TOX: variants seen among roughly 807,000 people sequenced by gnomAD.
TOX encodes thymocyte selection-associated high mobility group box protein TOX.
Under a neutral mutation model 53.7 loss-of-function variants are expected in TOX, and 11 were observed. The ratio of observed to expected loss-of-function variants is 0.20; its 90% CI spans 0.13 to 0.34. The LOEUF (loss-of-function observed/expected upper bound fraction) is 0.34, where lower values mean the gene tolerates loss of function less well. Among genes scored for constraint, TOX ranks in the 10% least tolerant of loss-of-function variants. The probability of loss-of-function intolerance (pLI) is 1.00; values close to 1 mark genes in which losing one functional copy is unlikely to be tolerated. For synonymous variants in TOX, 225 were observed against 245.3 expected, an observed-to-expected ratio of 0.92 and a Z score of 0.77; for missense variants, 570 against 664.6, an observed-to-expected ratio of 0.86 and a Z score of 1.56.
intron 1 of TOX, among the ~76,000 whole-genome samples, chr8:59,065,676 T>C (rs1585997830): frequency 6.6e-6 from 1 of 152,152 alleles, no homozygotes; most frequent in East Asian, 1.9e-4. Flanking sequence ...TGCACAGCTC[T>C]GTCACAGAGC....
intron 3 of TOX, among the ~76,000 whole-genome samples, chr8:58,876,139 A>C (rs1811279432): frequency 6.6e-6 from 1 of 152,148 alleles, no homozygotes; most frequent in African/African-American, 2.4e-5. Context: ...CACAAAATAC[A>C]TGTTAGTGTA....
intron 1 of TOX, among the ~76,000 whole-genome samples, chr8:59,054,680 C>A (rs1028109602): frequency 8.6e-5 from 13 of 151,788 alleles, no homozygotes; most frequent in African/African-American, 2.9e-4. Flanking sequence ...AGTTTCCTCG[C>A]CACAAACCAA....
At chr8:58,968,500 C>A (rs1044740159) in intron 1 of TOX, among the ~76,000 whole-genome samples, 4 of 152,074 alleles carry the variant, frequency 2.6e-5, no homozygotes, top group East Asian at 3.9e-4. Context: ...AATCCATCTA[C>A]GAAGGAAAAA....
At chr8:58,941,503 T>C (rs1812439394) in intron 2 of TOX, among the ~76,000 whole-genome samples, 1 of 152,236 alleles carries the variant, frequency 6.6e-6, no homozygotes, top group South Asian at 2.1e-4. Context: ...CTATGCTATT[T>C]ATAAAGTAGT....
chr8:58,900,649 A>G (rs1455345044), intron 3 of TOX, among the ~76,000 whole-genome samples: 1 of 152,124 alleles, frequency 6.6e-6, no homozygotes, highest in Non-Finnish European at 1.5e-5. Flanking sequence ...CCATCTATTC[A>G]TGTCATGTGA....
intron 3 of TOX, among the ~76,000 whole-genome samples, chr8:58,881,053 C>T (rs1001141304): frequency 1.3e-5 from 2 of 151,902 alleles, no homozygotes; most frequent in Admixed American, 1.3e-4. Flanking sequence ...GGGGCCTCCC[C>T]TGTGTGGGAG....
chr8:58,883,514 T>C (rs1811418718), intron 3 of TOX, among the ~76,000 whole-genome samples: 5 of 152,206 alleles, frequency 3.3e-5, no homozygotes, highest in Admixed American at 1.3e-4. Flanking sequence ...TTACTTCTGT[T>C]CTTAAAATCA....
intron 7 of TOX, among the ~76,000 whole-genome samples, chr8:58,811,745 T>A (rs975247095): frequency 6.6e-6 from 1 of 152,194 alleles, no homozygotes; most frequent in African/African-American, 2.4e-5. Flanking sequence ...TTGACAGATA[T>A]TAATGATTTT....
intron 6 of TOX, among the ~76,000 whole-genome samples, chr8:58,816,383 TTA>T (rs1280163915): frequency 6.6e-6 from 1 of 152,222 alleles, no homozygotes; most frequent in African/African-American, 2.4e-5. Flanking sequence ...CTTAGAAATT[TTA>T]GACTCCATCA....
chr8:58,958,490 G>T (rs982279126), intron 2 of TOX, among the ~76,000 whole-genome samples: 6 of 152,126 alleles, frequency 3.9e-5, no homozygotes, highest in African/African-American at 1.4e-4. Flanking sequence ...ATGATACCAG[G>T]TTGCTTTAAT....
At chr8:59,023,516 G>T (rs1456427013) in intron 1 of TOX, among the ~76,000 whole-genome samples, 1 of 152,050 alleles carries the variant, frequency 6.6e-6, no homozygotes, top group Non-Finnish European at 1.5e-5. Context: ...CATCATAGGA[G>T]ACTCAGTCTA....
At chr8:58,827,300 A>C (rs756575656) in intron 5 of TOX, among the ~76,000 whole-genome samples, 13 of 152,186 alleles carry the variant, frequency 8.5e-5, no homozygotes, top group Non-Finnish European at 1.3e-4. Context: ...CCTGATATAT[A>C]TGTTCCACGC....
In TOX at chr8:58,939,402, C is replaced by T. The variant is rs1236627019; in HGVS notation, c.311G>A (p.Gly104Asp). The part of the protein sequence containing the change: ...HSLCHPMNHN[G>D]LLPFHPQNMD... ...GTTTTGTGGATGAAATGGTAGCAGGCCATTATGGTTCATGGGGTGACACAG... is the reference window on the plus strand; with the variant it reads ...GTTTTGTGGATGAAATGGTAGCAGGTCATTATGGTTCATGGGGTGACACAG... The change falls in exon 3 of 9, where the codon GGC (glycine) becomes GAC (aspartate). Residue 104 changes from glycine (G) to aspartate (D), a missense_variant. Gly to Asp is a moderately conservative substitution (Grantham distance 94). Coordinates refer to ENST00000361421, the MANE Select transcript of TOX (RefSeq NM_014729.3). 2.5e-6 allele frequency: 4 copies of T among 1,613,918 alleles called. No homozygotes were observed. The highest frequency in any genetic ancestry group is 1.7e-5 in the Admixed American group (1 of 59,986).
intron 1 of TOX, among the ~76,000 whole-genome samples, chr8:58,979,526 T>C (rs1398061881): frequency 1.3e-5 from 2 of 152,218 alleles, no homozygotes; most frequent in Non-Finnish European, 1.5e-5. Flanking sequence ...TTCTGTTCTG[T>C]ATAAAATTAT....
At chr8:58,926,861 A>T (rs1812170108) in intron 3 of TOX, among the ~76,000 whole-genome samples, 1 of 130,918 alleles carries the variant, frequency 7.6e-6, no homozygotes, top group Admixed American at 8.0e-5. Context: ...TTCCTTGCAG[A>T]AGACTGGTAT....
In TOX at chr8:59,118,024, C is replaced by T. The variant is rs1805136885; in HGVS notation, c.102+862G>A. Among the ~76,000 whole-genome samples the T allele has an allele frequency of 6.6e-6, 1 of 152,160 alleles. No individual in the cohort carries two copies. The highest frequency in any genetic ancestry group is 2.4e-5 in the African/African-American group (1 of 41,438). On this transcript the variant is annotated intron_variant, in intron 1 of 8. Coordinates refer to ENST00000361421, the MANE Select transcript of TOX (RefSeq NM_014729.3). The surrounding 1 kb of genome is among the most constrained non-coding windows in gnomAD (Gnocchi z 4.1). ...ACCCCCTGACTGTCCTATAGGTGGA[C>T]CCAGCCGAACTCCGCAGCAGCCCAG...
In TOX at chr8:59,118,672, G is replaced by C. The variant is rs148510592; in HGVS notation, c.102+214C>G. Among the ~76,000 whole-genome samples, 1,180 of 152,284 alleles carry C rather than the reference G, an allele frequency of 7.7e-3. 15 individuals are homozygous for C. Among genetic ancestry groups the C allele is most frequent in the African/African-American group, 0.027 (1,139 of 41,574 alleles). On this transcript the variant is annotated intron_variant, in intron 1 of 8. Transcript: ENST00000361421. The surrounding 1 kb of genome is among the most constrained non-coding windows in gnomAD (Gnocchi z 4.1). ...AGGAAGGAAAGAATCCGAGCAAATC[G>C]TGTCACTTTCCGCACAATCGCGGTG... is the stretch of plus-strand genomic sequence containing the variant.
chr8:59,076,218 G>A (rs185529489), intron 1 of TOX, among the ~76,000 whole-genome samples: 31 of 152,334 alleles, frequency 2.0e-4, no homozygotes, highest in African/African-American at 7.0e-4. Flanking sequence ...CGGTAAGATA[G>A]GGTTGAAGTG....
Position 59,118,901 on chromosome 8 carries a change from G to T in TOX, c.87C>A (p.Pro29=). 6.3e-7 allele frequency: 1 copy of T among 1,592,200 alleles called. No homozygotes were observed. Among genetic ancestry groups the T allele is most frequent in the Non-Finnish European group, 8.6e-7 (1 of 1,169,094 alleles). ...GAGCGTTCACCTTGTTGCAATAGTA[G>T]GGGTCCAGGCAGGGAGAAGGTCCCA... is the stretch of plus-strand genomic sequence containing the variant. ...PCLGPSPCLD[P]YYCNKFDGEN... The change falls in exon 1 of 9, where the codon CCC becomes CCA. Residue 29 remains proline, a synonymous_variant. Coordinates refer to ENST00000361421, the MANE Select transcript of TOX (RefSeq NM_014729.3). This position sits in a 1 kb window ranked among gnomAD's most constrained non-coding sequence, Gnocchi z 4.1.
Sources: allele counts gnomAD v4.1 joint callset (sites outside exome capture counted in the v4.1 genomes callset), GRCh38; gene constraint gnomAD v4.1.1; non-coding constraint Gnocchi (gnomAD v3.1); transcripts MANE v1.5; gene names NCBI Gene and HGNC (gene_info 2026-07-23, HGNC 2026-07-21).